The following PIK3C2B variants were observed in gnomAD, a reference collection of about 807,000 sequenced individuals.
PIK3C2B encodes the protein phosphatidylinositol 4-phosphate 3-kinase C2 domain-containing subunit beta.
A neutral mutation model predicts 184.3 loss-of-function variants in PIK3C2B; 83 were observed. The observed-to-expected ratio is 0.45, with a 90% confidence interval of 0.38 to 0.54. The LOEUF (loss-of-function observed/expected upper bound fraction) is 0.54. PIK3C2B is among the 20% of genes least tolerant of loss of function. PIK3C2B has a pLI of 0.00. For missense variants in PIK3C2B, 1,736 were observed against 2,113.5 expected, an observed-to-expected ratio of 0.82 and a Z score of 3.50; for synonymous variants, 779 against 837.6, an observed-to-expected ratio of 0.93 and a Z score of 1.21.
At chr1:204,484,776 G>A (rs1418382952) in intron 1 of PIK3C2B, among the ~76,000 whole-genome samples, 1 of 151,256 alleles carries the variant, frequency 6.6e-6, no homozygotes, top group Non-Finnish European at 1.5e-5. Flanking sequence ...GATTATTCTA[G>A]AACACCTCCA....
At chr1:204,449,736 C>T in intron 13 of PIK3C2B, 114 bp downstream of exon 13, 5 of 941,196 alleles carry the variant, frequency 5.3e-6, no homozygotes, top group South Asian at 3.6e-5. Flanking sequence ...CACCAGTGAG[C>T]CCCACATGGC....
chr1:204,433,429 G>A lies in PIK3C2B; in HGVS notation c.3844-4C>T, dbSNP rs1229991478. 1.9e-6 allele frequency: 3 copies of A among 1,539,580 alleles called. No individual in the cohort carries two copies. Among genetic ancestry groups the A allele is most frequent in the South Asian group, 1.1e-5 (1 of 89,572 alleles). ...CAGGGATCCCACAGGACAACATCTA[G>A]AAGGAGCAGAAAGAAGAAGAGAGGG... is the stretch of plus-strand genomic sequence containing the variant. On this transcript the variant is annotated splice_region_variant and splice_polypyrimidine_tract_variant and intron_variant, in intron 25 of 32. Transcript: ENST00000684373. This position sits in a 1 kb window ranked among gnomAD's most constrained non-coding sequence, Gnocchi z 5.0.
At chr1:204,489,385 T>C (rs1422080482) in intron 1 of PIK3C2B, among the ~76,000 whole-genome samples, 1 of 152,030 alleles carries the variant, frequency 6.6e-6, no homozygotes, top group Non-Finnish European at 1.5e-5. Context: ...TTGCCCAGGC[T>C]GGTCTCAAAC....
Position 204,424,878 on chromosome 1 carries a change from C to A in PIK3C2B, c.4879G>T (p.Gly1627Ter). 1 of 1,614,104 alleles carries A rather than the reference C, an allele frequency of 6.2e-7. No homozygotes were observed. Among genetic ancestry groups the A allele is most frequent in the Non-Finnish European group, 8.5e-7 (1 of 1,179,988 alleles). ...CACAAGGTGCCATGACTTCGAGATC[C>A]CAGGGCGAACCAGCCGGTCTTCTCC... ...AQEKTGWFAL[G>*]SRSHGTL is the part of the protein sequence containing the mutation. Residue 1627 changes from glycine to a stop codon, truncating the protein, a stop_gained, in exon 33 of 33, where the codon GGA (glycine) becomes TGA (stop). Coordinates refer to ENST00000684373, the MANE Select transcript of PIK3C2B (RefSeq NM_001377334.1). LOFTEE classifies it high-confidence loss of function.
At chr1:204,429,325 T>C (rs574501357) in intron 29 of PIK3C2B, among the ~76,000 whole-genome samples, 27 of 152,344 alleles carry the variant, frequency 1.8e-4, no homozygotes, top group Middle Eastern at 6.8e-3. Flanking sequence ...TGGTTAAGAT[T>C]ATGGTACTGC....
intron 1 of PIK3C2B, among the ~76,000 whole-genome samples, chr1:204,473,110 A>G (rs1488226829): frequency 1.3e-5 from 2 of 152,224 alleles, no homozygotes; most frequent in East Asian, 3.9e-4. Context: ...ATCAATAGGA[A>G]AAAGGCTCAG....
chr1:204,493,345 C>T (rs1456417969), intron 1 of PIK3C2B, among the ~76,000 whole-genome samples: 1 of 152,030 alleles, frequency 6.6e-6, no homozygotes, highest in African/African-American at 2.4e-5. Context: ...CCAGCCAGCC[C>T]AGGGTACAAA....
In PIK3C2B at chr1:204,449,209, G is replaced by T; in HGVS notation, c.2322C>A (p.His774Gln). The T allele has an allele frequency of 6.2e-7, 1 of 1,612,276 alleles. No individual in the cohort carries two copies. Among genetic ancestry groups the T allele is most frequent in the African/African-American group, 1.3e-5 (1 of 75,000 alleles). ...CCTGCAGGATGACACTGTCTGGCTG[G>T]TGGAAATTAGGTGCACTCCAACGGG... ...PSARWSAPNF[H>Q]QPDSVILQID... The change falls in exon 14 of 33, where the codon CAC becomes CAA. Residue 774 changes from histidine (H) to glutamine (Q), a missense_variant. This residue lies in a region of PIK3C2B where 609 missense variants were observed against 699.2 expected (regional missense o/e 0.87). Transcript: ENST00000684373.
At chr1:204,448,384 G>A (rs1037597047) in intron 14 of PIK3C2B, among the ~76,000 whole-genome samples, 3 of 151,968 alleles carry the variant, frequency 2.0e-5, no homozygotes, top group Admixed American at 6.6e-5. Flanking sequence ...TTGCAGGCAT[G>A]AGCCACCACA....
chr1:204,452,957 G>A (rs1364512548), intron 12 of PIK3C2B, among the ~76,000 whole-genome samples: 6 of 152,022 alleles, frequency 3.9e-5, no homozygotes, highest in Non-Finnish European at 1.5e-5. Context: ...ATCGTGCCCA[G>A]CCATATACAC....
intron 1 of PIK3C2B, among the ~76,000 whole-genome samples, chr1:204,482,958 G>A (rs1657294675): frequency 6.6e-6 from 1 of 152,064 alleles, no homozygotes. Context: ...TGCAGCCGTA[G>A]GTTTCAGTTT....
At chr1:204,474,943 CCTCT>C (rs146074336) in intron 1 of PIK3C2B, among the ~76,000 whole-genome samples, 2,955 of 152,016 alleles carry the variant, frequency 0.019, 99 homozygotes, top group African/African-American at 0.068. Context: ...TCCTTTCACC[CCTCT>C]CTCTAATTGC....
rs781006466 is a variant in PIK3C2B, at chr1:204,465,245, A to G, written c.1008T>C (p.Val336=). 9.4e-6 allele frequency: 15 copies of G among 1,593,610 alleles called. No individual in the cohort carries two copies. The highest frequency in any genetic ancestry group is 1.2e-5 in the Non-Finnish European group (14 of 1,169,938). The stretch of plus-strand genomic sequence containing the variant: ...TATCCAGCATGTGGCAAAATGCAGC[A>G]ACCTCCTCATCTCTCTCTTCTGAGA... The part of the protein sequence containing the change: ...FEVSEERDEE[V]AAFCHMLDIL... The change falls in exon 3 of 33, where the codon GTT becomes GTC. Residue 336 remains valine, a synonymous_variant. Transcript: ENST00000684373.
Position 204,433,495 on chromosome 1 carries a change from T to C in PIK3C2B, c.3844-70A>G. ...AGAATTCTTGCTGCTTCTCTACCCT[T>C]AGGCAAGGTTTTCTACAGCTAGGCT... On this transcript the variant is annotated intron_variant, in intron 25 of 32. Transcript: ENST00000684373. This position sits in a 1 kb window ranked among gnomAD's most constrained non-coding sequence, Gnocchi z 5.0. 2 of 1,022,920 alleles carry C rather than the reference T, an allele frequency of 2.0e-6. No homozygotes were observed. The highest frequency in any genetic ancestry group is 1.8e-5 in the Admixed American group (1 of 55,240). The allele number at this position is 1,022,920 out of a possible 1,614,324, so 63.4% of individuals were successfully genotyped here. A position where few individuals can be genotyped will look rare whatever the true frequency, so the allele number is the denominator to read the frequency against.
At chr1:204,472,337 G>C (rs1656360826) in intron 1 of PIK3C2B, among the ~76,000 whole-genome samples, 1 of 151,708 alleles carries the variant, frequency 6.6e-6, no homozygotes, top group Non-Finnish European at 1.5e-5. Flanking sequence ...CTAATTTGTT[G>C]TATTTTTAGT....
intron 17 of PIK3C2B, 58 bp downstream of exon 17, chr1:204,444,273 T>C (rs1653655177): frequency 1.2e-5 from 18 of 1,494,432 alleles, no homozygotes; most frequent in Non-Finnish European, 1.7e-5. Flanking sequence ...GAATGCAGAC[T>C]CACTTGGGAT....
In PIK3C2B at chr1:204,447,597, G is replaced by A. The variant is rs1653989573; in HGVS notation, c.2347-19C>T. 3 of 1,590,656 alleles carry A rather than the reference G, an allele frequency of 1.9e-6. No homozygotes were observed. The highest frequency in any genetic ancestry group is 2.6e-6 in the Non-Finnish European group (3 of 1,168,190). ...AGTCAATCTGGGGGATGAGATCAGG[G>A]ATGTGAGGAGAGAAAACAGGCAGCG... is the stretch of plus-strand genomic sequence containing the variant. On this transcript the variant is annotated intron_variant, in intron 14 of 32. Transcript: ENST00000684373. The surrounding 1 kb of genome is among the most constrained non-coding windows in gnomAD (Gnocchi z 4.1).
At position 204,423,473 on chromosome 1, in the gene PIK3C2B, G is replaced by C. The variant is rs2103458938; in HGVS notation, c.*1379C>G. 6.6e-6 allele frequency: 1 copy of C among 151,800 alleles called. No homozygotes were observed. Among genetic ancestry groups the C allele is most frequent in the East Asian group, 1.9e-4 (1 of 5,162 alleles). The allele number at this position is 151,800 out of a possible 1,614,324, so 9.4% of individuals were successfully genotyped here. ...AAAAAAAAAAAAAAAAATCCATCTG[G>C]TAGGGAATAAAGAATATGAAGAGAT... On this transcript the variant is annotated 3_prime_UTR_variant, in exon 33 of 33. Coordinates refer to ENST00000684373, the MANE Select transcript of PIK3C2B (RefSeq NM_001377334.1).
At chr1:204,454,548 G>C in intron 12 of PIK3C2B, 121 bp downstream of exon 12, 2 of 956,598 alleles carry the variant, frequency 2.1e-6, no homozygotes, top group Non-Finnish European at 3.1e-6. Context: ...TGTCCAGTTA[G>C]GGTTAACAAG....
Sources: gnomAD v4.1 joint callset for allele counts (sites outside exome capture counted in the v4.1 genomes callset) on GRCh38, gnomAD v4.1.1 for gene constraint, gnomAD v4.1.1 regional missense constraint, Gnocchi (gnomAD v3.1) non-coding constraint, MANE v1.5 for transcripts, NCBI Gene and HGNC (gene_info 2026-07-23, HGNC 2026-07-21) for gene names.